Variants in MCF2L2 observed in about 807,000 individuals in gnomAD.
MCF2L2 encodes MCF.2 cell line derived transforming sequence-like 2.
A neutral mutation model predicts 150.2 loss-of-function variants in MCF2L2; 102 were observed. That is an observed-to-expected ratio of 0.68 (90% CI 0.58 to 0.80). MCF2L2 has a LOEUF of 0.80. Ranked by LOEUF, MCF2L2 falls within the 30% of genes least tolerant of loss-of-function variation. MCF2L2 has a pLI of 0.00. For missense variants in MCF2L2, 1,256 were observed against 1,372.8 expected (o/e 0.91, Z 1.34); for synonymous variants, 465 against 491.3 (o/e 0.95, Z 0.71).
intron 2 of MCF2L2, among the ~76,000 whole-genome samples, chr3:183,384,052 C>A (rs1011384382): frequency 6.6e-6 from 1 of 152,226 alleles, no homozygotes. Flanking sequence ...CATTCCTGAA[C>A]CTCCACATGG....
intron 15 of MCF2L2, among the ~76,000 whole-genome samples, chr3:183,250,443 C>T (rs962987778): frequency 2.0e-5 from 3 of 151,940 alleles, no homozygotes; most frequent in Non-Finnish European, 4.4e-5. Context: ...AAAAATTAGC[C>T]AGGTGTGGTG....
chr3:183,296,661 T>C lies in MCF2L2; in HGVS notation c.1497+315A>G, dbSNP rs996403634. The C allele has an allele frequency of 5.9e-5, 14 of 235,468 alleles. No homozygotes were observed. In the South Asian group the frequency reaches 1.4e-3, roughly 24 times the overall value. The allele number at this position is 235,468 out of a possible 1,614,324, so 14.6% of individuals were successfully genotyped here. A position where few individuals can be genotyped will look rare whatever the true frequency, so the allele number is the denominator to read the frequency against. ...TAATGTCAGCCTCTCCCACAAACTG[T>C]AAGCTCAGTGAGGGATGGAAGCATG... On this transcript the variant is annotated intron_variant, in intron 12 of 29. Transcript: ENST00000328913.
rs953606220 is a variant in MCF2L2 at position 183,341,445 on chromosome 3, A to G, written c.366+95T>C. 6.0e-6 allele frequency: 6 copies of G among 1,008,224 alleles called. No individual in the cohort carries two copies. The African/African-American group carries it at 9.6e-5, about 16-fold the overall frequency. 62.5% of individuals were successfully genotyped at this position (1,008,224 alleles called of 1,614,324 possible). A position where few individuals can be genotyped will look rare whatever the true frequency, so the allele number is the denominator to read the frequency against. On this transcript the variant is annotated intron_variant, in intron 4 of 29. Coordinates refer to ENST00000328913, the MANE Select transcript of MCF2L2 (RefSeq NM_015078.4). ...CAAAGACCTTCCCAAAATTTGACAT[A>G]AAATAATTGCCTTTTCCCCAGGACT...
At chr3:183,228,124 T>C in intron 18 of MCF2L2, 173 bp downstream of exon 18, 1 of 587,960 alleles carries the variant, frequency 1.7e-6, no homozygotes, top group Non-Finnish European at 3.1e-6. Context: ...CATCATGTTG[T>C]ATAGTTTGAA....
intron 3 of MCF2L2, among the ~76,000 whole-genome samples, chr3:183,365,568 T>C (rs1712472821): frequency 6.6e-6 from 1 of 152,238 alleles, no homozygotes; most frequent in South Asian, 2.1e-4. Context: ...AATAGCCATT[T>C]TGAGAAAGAT....
intron 1 of MCF2L2, among the ~76,000 whole-genome samples, chr3:183,397,370 C>A (rs190594695): frequency 7.0e-4 from 107 of 152,296 alleles, no homozygotes; most frequent in African/African-American, 2.5e-3. Context: ...GGGGTGTACA[C>A]TGAGTCCTCA....
At chr3:183,288,184 C>T (rs1402594170) in intron 14 of MCF2L2, among the ~76,000 whole-genome samples, 1 of 152,120 alleles carries the variant, frequency 6.6e-6, no homozygotes, top group Non-Finnish European at 1.5e-5. Context: ...GTTGTTATAC[C>T]CATTTGTACA....
chr3:183,422,884 C>T (rs1188952370), intron 1 of MCF2L2, among the ~76,000 whole-genome samples: 1 of 152,176 alleles, frequency 6.6e-6, no homozygotes, highest in Non-Finnish European at 1.5e-5. Context: ...ATCCCTGGGA[C>T]TCTTCACACT....
intron 15 of MCF2L2, among the ~76,000 whole-genome samples, chr3:183,258,808 C>T (rs1187810875): frequency 6.6e-6 from 1 of 152,056 alleles, no homozygotes; most frequent in Non-Finnish European, 1.5e-5. Context: ...GGCATGTAGC[C>T]TTGAGCTCCT....
At position 183,370,569 on chromosome 3, in the gene MCF2L2, C is replaced by T. The variant is rs563949973; in HGVS notation, c.275+8728G>A. ...AACGTGGGTTTCTATCTGAACAAAACAGAATAGATGACGCAAAGGCAGAAC... is the reference window on the plus strand; with the variant it reads ...AACGTGGGTTTCTATCTGAACAAAATAGAATAGATGACGCAAAGGCAGAAC... On this transcript the variant is annotated intron_variant, in intron 3 of 29. Coordinates refer to ENST00000328913, the MANE Select transcript of MCF2L2 (RefSeq NM_015078.4). 4.9e-4 allele frequency among the ~76,000 whole-genome samples: 74 copies of T among 152,336 alleles called. No homozygotes were observed. The South Asian group carries it at 0.014, about 28-fold the overall frequency.
intron 15 of MCF2L2, 40 bp downstream of exon 15, chr3:183,276,832 C>T: frequency 6.8e-7 from 1 of 1,460,906 alleles, no homozygotes; most frequent in Non-Finnish European, 9.5e-7. Context: ...CCATGCCCCG[C>T]ACCCCCTCGC....
chr3:183,329,227 C>T (rs938120108), intron 5 of MCF2L2, among the ~76,000 whole-genome samples: 7 of 152,180 alleles, frequency 4.6e-5, no homozygotes, highest in African/African-American at 1.2e-4. Context: ...GACAGCGTCT[C>T]GCTCTGTCGC....
At chr3:183,277,776 CAT>C (rs199599707) in intron 14 of MCF2L2, among the ~76,000 whole-genome samples, 2 of 149,420 alleles carry the variant, frequency 1.3e-5, no homozygotes, top group Non-Finnish European at 3.0e-5. Context: ...GTGGAGGAAA[CAT>C]ATATATATGT....
intron 1 of MCF2L2, among the ~76,000 whole-genome samples, chr3:183,418,895 G>A (rs1181321683): frequency 6.6e-6 from 1 of 152,238 alleles, no homozygotes; most frequent in Non-Finnish European, 1.5e-5. Flanking sequence ...GTGGGGTCTG[G>A]AGGATGGTGG....
chr3:183,413,380 A>T (rs766172330), intron 1 of MCF2L2, among the ~76,000 whole-genome samples: 4 of 152,206 alleles, frequency 2.6e-5, no homozygotes, highest in Non-Finnish European at 5.9e-5. Flanking sequence ...AGAAAATCAT[A>T]AGAGAAAATA....
chr3:183,261,250 C>T (rs1404294962), intron 15 of MCF2L2, among the ~76,000 whole-genome samples: 1 of 152,062 alleles, frequency 6.6e-6, no homozygotes, highest in Non-Finnish European at 1.5e-5. Flanking sequence ...CTTTTTATTC[C>T]TGATCTCTCT....
At chr3:183,289,608 C>A (rs543514660) in intron 13 of MCF2L2, among the ~76,000 whole-genome samples, 1 of 152,342 alleles carries the variant, frequency 6.6e-6, no homozygotes, top group East Asian at 1.9e-4. Flanking sequence ...GTAATCCCAG[C>A]ACTTTGGGAG....
intron 3 of MCF2L2, among the ~76,000 whole-genome samples, chr3:183,344,742 C>T (rs1468752733): frequency 1.3e-5 from 2 of 151,692 alleles, no homozygotes; most frequent in Non-Finnish European, 2.9e-5. Flanking sequence ...ATTTACCACA[C>T]AAATGGAAAG....
intron 7 of MCF2L2, among the ~76,000 whole-genome samples, 170 bp from the exon 8 acceptor site, chr3:183,311,942 C>A (rs928888369): frequency 6.6e-6 from 1 of 151,996 alleles, no homozygotes; most frequent in African/African-American, 2.4e-5. Flanking sequence ...GGTAACACAC[C>A]GACATGATAC....
Sources: allele counts gnomAD v4.1 joint callset (sites outside exome capture counted in the v4.1 genomes callset), GRCh38; gene constraint gnomAD v4.1.1; transcripts MANE v1.5; gene names NCBI Gene and HGNC (gene_info 2026-07-23, HGNC 2026-07-21).